The following PADI2 variants were observed in gnomAD, a reference collection of about 807,000 sequenced individuals.
The protein encoded by PADI2 is protein-arginine deiminase type-2.
Under a neutral mutation model 81.1 loss-of-function variants are expected in PADI2, and 70 were observed. The observed-to-expected ratio is 0.86, with a 90% CI of 0.71 to 1.05. PADI2 has a LOEUF of 1.05. PADI2 is among the 50% of genes least tolerant of loss of function. The pLI is 0.00. For synonymous variants in PADI2, 338 were observed against 358.0 expected (o/e 0.94, Z 0.63); for missense variants, 853 against 889.9 (o/e 0.96, Z 0.53).
intron 3 of PADI2, among the ~76,000 whole-genome samples, 165 bp from the exon 4 acceptor site, chr1:17,096,135 C>T (rs1356281335): frequency 1.3e-5 from 2 of 152,210 alleles, no homozygotes; most frequent in Non-Finnish European, 2.9e-5. Flanking sequence ...CTCAACATCC[C>T]ACTACCCACT....
chr1:17,068,824 T>C lies in PADI2; in HGVS notation c.*220A>G. 1 of 585,780 alleles carries C rather than the reference T, an allele frequency of 1.7e-6. No homozygotes were observed. The highest frequency in any genetic ancestry group is 3.0e-6 in the Non-Finnish European group (1 of 328,052). 36.3% of individuals were successfully genotyped at this position (585,780 alleles called of 1,614,324 possible). On this transcript the variant is annotated 3_prime_UTR_variant, in exon 16 of 16. Transcript: ENST00000375486. ...AGGGCTACAGAGACACTGGCCCAGC[T>C]ATTTTCAGCAGGGACAGAGTCGAGG...
chr1:17,082,772 C>T, intron 9 of PADI2, 120 bp from the exon 10 acceptor site: 1 of 629,208 alleles, frequency 1.6e-6, no homozygotes. Context: ...GTTCCCCATT[C>T]CCTGGTCCCC....
intron 9 of PADI2, chr1:17,083,044 A>AT: frequency 6.3e-6 from 1 of 158,360 alleles, no homozygotes. Context: ...TAATTTTTAA[A>AT]TTTTTTTTTG....
chr1:17,093,699 A>G lies in PADI2; in HGVS notation c.412-15T>C. On this transcript the variant is annotated splice_polypyrimidine_tract_variant and intron_variant, in intron 4 of 15. Transcript: ENST00000375486. ...GTCCAGGATGCCTACAGTGGCAGGAAGAAAGGTCAGTGCCCTCTTCTCTAT... is the reference window on the plus strand; with the variant it reads ...GTCCAGGATGCCTACAGTGGCAGGAGGAAAGGTCAGTGCCCTCTTCTCTAT... 1 of 1,453,020 alleles carries G rather than the reference A, an allele frequency of 6.9e-7. No individual in the cohort carries two copies. The highest frequency in any genetic ancestry group is 9.7e-7 in the Non-Finnish European group (1 of 1,033,474). The allele number at this position is 1,453,020 out of a possible 1,614,324, so 90.0% of individuals were successfully genotyped here. A position where few individuals can be genotyped will look rare whatever the true frequency, so the allele number is the denominator to read the frequency against.
At position 17,116,464 on chromosome 1, in the gene PADI2, T is replaced by C. The variant is rs1931763961; in HGVS notation, c.92+2816A>G. On this transcript the variant is annotated intron_variant, in intron 1 of 15. Transcript: ENST00000375486. ...GAGGCTCTGGGGGCATCACTTGGGG[T>C]CTTGAGCCAGGACCTGTGTCCGGGC... Among the ~76,000 whole-genome samples, 4 of 152,076 alleles carry C rather than the reference T, an allele frequency of 2.6e-5. No homozygotes were observed. In the South Asian group the frequency reaches 8.3e-4, roughly 32 times the overall value.
chr1:17,092,661 T>G, intron 5 of PADI2, 128 bp from the exon 6 acceptor site: 2 of 834,510 alleles, frequency 2.4e-6, no homozygotes, highest in Non-Finnish European at 3.5e-6. Context: ...TAGAAAAGCA[T>G]AAAGAGGCTG....
At position 17,069,012 on chromosome 1, in the gene PADI2, C is replaced by T. The variant is rs377400077; in HGVS notation, c.*32G>A. 23 of 1,510,290 alleles carry T rather than the reference C, an allele frequency of 1.5e-5. No individual in the cohort carries two copies. Among genetic ancestry groups the T allele is most frequent in the East Asian group, 4.5e-5 (2 of 44,360 alleles). The allele number at this position is 1,510,290 out of a possible 1,614,324, so 93.6% of individuals were successfully genotyped here. On this transcript the variant is annotated 3_prime_UTR_variant, in exon 16 of 16. Transcript: ENST00000375486. ...GTGAGGGAGGGTCTGGAGAACTAAGCGAAGGAGGCAAACGCCAGGGCCCCT... is the reference window on the plus strand; with the variant it reads ...GTGAGGGAGGGTCTGGAGAACTAAGTGAAGGAGGCAAACGCCAGGGCCCCT...
intron 3 of PADI2, among the ~76,000 whole-genome samples, chr1:17,097,050 A>C (rs1930961908): frequency 6.6e-6 from 1 of 152,158 alleles, no homozygotes; most frequent in African/African-American, 2.4e-5. Context: ...TGAGTTGGAG[A>C]CGGATGAGGT....
At chr1:17,099,598 G>GA (rs955622569) in intron 3 of PADI2, among the ~76,000 whole-genome samples, 2 of 152,210 alleles carry the variant, frequency 1.3e-5, no homozygotes, top group Non-Finnish European at 2.9e-5. Context: ...CAAAGACCCA[G>GA]AGCCTGATCT....
chr1:17,073,309 G>C (rs12759261), intron 13 of PADI2, among the ~76,000 whole-genome samples: 91,066 of 151,408 alleles, frequency 0.6, 27,768 homozygotes, highest in Middle Eastern at 0.7. Context: ...CCCAGCTACT[G>C]GGGAGGCTGA....
rs1931719044 is a variant in PADI2 at position 17,115,370 on chromosome 1, C to G, written c.92+3910G>C. 6.6e-6 allele frequency among the ~76,000 whole-genome samples: 1 copy of G among 152,224 alleles called. No homozygotes were observed. Among genetic ancestry groups the G allele is most frequent in the Admixed American group, 6.5e-5 (1 of 15,286 alleles). ...TTAAGATCATTCCAGTGTCCTGAAG[C>G]TCCTGCAGACCTCAGGATCTGGATC... On this transcript the variant is annotated intron_variant, in intron 1 of 15. Coordinates refer to ENST00000375486, the MANE Select transcript of PADI2 (RefSeq NM_007365.3). The surrounding 1 kb of genome is among the most constrained non-coding windows in gnomAD (Gnocchi z 4.1).
chr1:17,117,326 T>A (rs760824764), intron 1 of PADI2, among the ~76,000 whole-genome samples: 5 of 152,356 alleles, frequency 3.3e-5, no homozygotes, highest in Admixed American at 6.5e-5. Context: ...ATGATAATAT[T>A]CTAAAATATT....
At chr1:17,077,735 C>T (rs2078314442) in intron 11 of PADI2, among the ~76,000 whole-genome samples, 2 of 152,210 alleles carry the variant, frequency 1.3e-5, no homozygotes, top group South Asian at 2.1e-4. Flanking sequence ...GGCCTCCCCG[C>T]AGAAGGCTGA....
intron 1 of PADI2, among the ~76,000 whole-genome samples, chr1:17,108,513 C>T (rs1016149069): frequency 6.6e-6 from 1 of 152,014 alleles, no homozygotes; most frequent in Non-Finnish European, 1.5e-5. Context: ...GGTTATAAGT[C>T]CCCTGAGGGC....
intron 8 of PADI2, among the ~76,000 whole-genome samples, 184 bp from the exon 9 acceptor site, chr1:17,084,021 CAT>C (rs1331701848): frequency 3.9e-5 from 6 of 152,200 alleles, no homozygotes; most frequent in Admixed American, 6.5e-5. Context: ...CCCACCCACT[CAT>C]GTGGCGTTTG....
rs2078254610 is a variant in PADI2, at chr1:17,070,117, G to C, written c.1735C>G (p.His579Asp). ...TTTGGGAAGAAGGCTCTGGCACGGT[G>C]GTCCTCGTCCATCTTGAACAGAGCG... The part of the protein sequence containing the change: ...LPALFKMDED[H>D]RARAFFPNMV... Residue 579 changes from histidine (H) to aspartate (D), a missense_variant, in exon 15 of 16, where the codon CAC becomes GAC. Coordinates refer to ENST00000375486, the MANE Select transcript of PADI2 (RefSeq NM_007365.3). The C allele has an allele frequency of 6.2e-7, 1 of 1,613,964 alleles. No individual in the cohort carries two copies. Among genetic ancestry groups the C allele is most frequent in the Non-Finnish European group, 8.5e-7 (1 of 1,179,966 alleles).
rs148391776 is a variant in PADI2 at position 17,074,942 on chromosome 1, A to C, written c.1463T>G (p.Leu488Arg). 153 of 1,610,906 alleles carry C rather than the reference A, an allele frequency of 9.5e-5. No homozygotes were observed. Among genetic ancestry groups the C allele is most frequent in the Non-Finnish European group, 1.2e-4 (145 of 1,177,906 alleles). ...FVPIPGTKKF[L>R]LLMASTSACY... ...GGCCGAGGTGCTGGCCATGAGTAGC[A>C]GGAATTTCTGCAAGAGACAGTCCAG... The change falls in exon 13 of 16, where the codon CTG (leucine) becomes CGG (arginine). Residue 488 changes from leucine to arginine, a missense_variant. By Grantham distance (102) the Leu-to-Arg change is moderately radical. Transcript: ENST00000375486.
rs144332881 is a variant in PADI2 at position 17,117,208 on chromosome 1, G to T, written c.92+2072C>A. Among the ~76,000 whole-genome samples the T allele has an allele frequency of 5.9e-5, 9 of 152,294 alleles. No homozygotes were observed. In the East Asian group the frequency reaches 1.7e-3, roughly 29 times the overall value. Reference sequence around the variant, plus strand: ...AGCACCTGAGATGCACTCAATCTACGCTGAGATGTGCTGAAGTGTAAAATG... The same window carrying T: ...AGCACCTGAGATGCACTCAATCTACTCTGAGATGTGCTGAAGTGTAAAATG... On this transcript the variant is annotated intron_variant, in intron 1 of 15. Transcript: ENST00000375486.
In PADI2 at chr1:17,079,296, A is replaced by C. The variant is rs770451365; in HGVS notation, c.1278T>G (p.Leu426=). The change falls in exon 11 of 16, where the codon CTT becomes CTG. Residue 426 remains leucine (L), a synonymous_variant. Transcript: ENST00000375486. ...AGCTGCTCCCGATGAGGATGCGGCC[A>C]AGCGGGTATGTCTTGCCGTTCACGG... ...PVTVNGKTYP[L]GRILIGSSFP... 5 of 1,614,136 alleles carry C rather than the reference A, an allele frequency of 3.1e-6. No homozygotes were observed. In the Admixed American group the frequency reaches 6.7e-5, roughly 22 times the overall value.
Sources: gnomAD v4.1 joint callset for allele counts (sites outside exome capture counted in the v4.1 genomes callset) on GRCh38, gnomAD v4.1.1 for gene constraint, Gnocchi (gnomAD v3.1) non-coding constraint, MANE v1.5 for transcripts, NCBI Gene and HGNC (gene_info 2026-07-23, HGNC 2026-07-21) for gene names.